Variants in ADGRL2 observed in about 807,000 individuals in gnomAD.
ADGRL2 encodes adhesion G protein-coupled receptor L2.
ADGRL2 carries 44 observed loss-of-function variants against 157.4 expected under a neutral mutation model. That is an observed-to-expected ratio of 0.28 (90% CI 0.22 to 0.36). The LOEUF (loss-of-function observed/expected upper bound fraction) is 0.36. ADGRL2 is among the 10% of genes least tolerant of loss of function. The pLI, the probability that ADGRL2 is intolerant of heterozygous loss-of-function variation, is 1.00. For synonymous variants in ADGRL2, 585 were observed against 624.7 expected, an observed-to-expected ratio of 0.94 and a Z score of 0.95; for missense variants, 1,510 against 1,768.9, an observed-to-expected ratio of 0.85 and a Z score of 2.63.
chr1:81,901,011 C>G (rs2094475666), intron 2 of ADGRL2, among the ~76,000 whole-genome samples: 1 of 152,116 alleles, frequency 6.6e-6, no homozygotes, highest in Non-Finnish European at 1.5e-5. Context: ...TTAAATACAG[C>G]TGAGGTATTA....
At chr1:81,342,480 A>G (rs770591786) in intron 1 of ADGRL2, among the ~76,000 whole-genome samples, 1 of 152,178 alleles carries the variant, frequency 6.6e-6, no homozygotes, top group Non-Finnish European at 1.5e-5. Context: ...TGTCATCACT[A>G]TGATTCTTGG....
intron 2 of ADGRL2, among the ~76,000 whole-genome samples, chr1:81,881,973 C>A (rs766628802): frequency 6.6e-6 from 1 of 152,158 alleles, no homozygotes; most frequent in Non-Finnish European, 1.5e-5. Context: ...CACCATCCCC[C>A]CTTTTTTTCC....
chr1:81,712,155 A>G (rs2083952747), intron 1 of ADGRL2, among the ~76,000 whole-genome samples: 1 of 152,204 alleles, frequency 6.6e-6, no homozygotes, highest in Non-Finnish European at 1.5e-5. Flanking sequence ...GATTAAAAAA[A>G]TATATGCCCA....
chr1:81,461,956 G>A (rs1241600217), intron 2 of ADGRL2, among the ~76,000 whole-genome samples: 2 of 145,988 alleles, frequency 1.4e-5, no homozygotes, highest in African/African-American at 5.0e-5. Flanking sequence ...TGGAGAAAGA[G>A]AGAGACAAAG....
chr1:81,785,706 C>T (rs978053398), intron 2 of ADGRL2, among the ~76,000 whole-genome samples: 3 of 151,712 alleles, frequency 2.0e-5, no homozygotes, highest in South Asian at 2.1e-4. Context: ...CTAGCCTGAG[C>T]GACAAAGTGA....
At chr1:81,414,789 C>T (rs2077006067) in intron 1 of ADGRL2, among the ~76,000 whole-genome samples, 1 of 152,194 alleles carries the variant, frequency 6.6e-6, no homozygotes, top group South Asian at 2.1e-4. Context: ...AACAGATTTC[C>T]TGTCTTTAAG....
chr1:81,508,425 A>G (rs1287751950), intron 2 of ADGRL2, among the ~76,000 whole-genome samples: 1 of 152,162 alleles, frequency 6.6e-6, no homozygotes, highest in Non-Finnish European at 1.5e-5. Flanking sequence ...AGACTCACTG[A>G]CCTGCCAGTC....
intron 3 of ADGRL2, among the ~76,000 whole-genome samples, chr1:81,676,760 C>G (rs2083000502): frequency 6.6e-6 from 1 of 151,948 alleles, no homozygotes; most frequent in South Asian, 2.1e-4. Context: ...GTTCTCAGCT[C>G]ACTGCAAACT....
At chr1:81,935,391 G>A (rs2095295628) in intron 3 of ADGRL2, among the ~76,000 whole-genome samples, 1 of 151,892 alleles carries the variant, frequency 6.6e-6, no homozygotes, top group Non-Finnish European at 1.5e-5. Flanking sequence ...GTTCATTGTA[G>A]TATACTTTGA....
chr1:81,661,464 G>GA (rs1278178307), intron 3 of ADGRL2, among the ~76,000 whole-genome samples: 1 of 152,110 alleles, frequency 6.6e-6, no homozygotes, highest in Non-Finnish European at 1.5e-5. Context: ...CTATTCCATG[G>GA]AAAAAGCATC....
At chr1:81,437,233 T>C (rs2077425519) in intron 1 of ADGRL2, among the ~76,000 whole-genome samples, 1 of 152,176 alleles carries the variant, frequency 6.6e-6, no homozygotes, top group Non-Finnish European at 1.5e-5. Flanking sequence ...GTCTGCAGTC[T>C]CCTGGAATCA....
intron 2 of ADGRL2, among the ~76,000 whole-genome samples, chr1:81,885,142 T>C (rs1039470993): frequency 3.9e-5 from 6 of 152,142 alleles, no homozygotes; most frequent in Non-Finnish European, 7.4e-5. Context: ...TAAATAGAAG[T>C]AAGGAGGGGA....
At chr1:81,948,956 TAAAG>T (rs1390290249) in intron 6 of ADGRL2, among the ~76,000 whole-genome samples, 7 of 152,298 alleles carry the variant, frequency 4.6e-5, no homozygotes, top group African/African-American at 1.4e-4. Context: ...TCAGAATTAA[TAAAG>T]AAAGATTGAT....
chr1:81,862,517 A>G (rs958517757), intron 2 of ADGRL2, among the ~76,000 whole-genome samples: 1 of 152,202 alleles, frequency 6.6e-6, no homozygotes, highest in Non-Finnish European at 1.5e-5. Context: ...CTAGTCTTAC[A>G]TAGCCTTGTT....
At chr1:81,851,978 A>G (rs1199873770) in intron 2 of ADGRL2, among the ~76,000 whole-genome samples, 1 of 151,996 alleles carries the variant, frequency 6.6e-6, no homozygotes, top group Non-Finnish European at 1.5e-5. Context: ...ATGGCGAATT[A>G]AAAAATTATT....
chr1:81,822,214 A>T (rs1571436658), intron 1 of ADGRL2, among the ~76,000 whole-genome samples: 2 of 150,452 alleles, frequency 1.3e-5, no homozygotes, highest in Admixed American at 6.6e-5. Context: ...TTGAAAGATG[A>T]TAAAAGTGTT....
intron 2 of ADGRL2, among the ~76,000 whole-genome samples, chr1:81,847,765 T>C (rs1344364379): frequency 6.6e-6 from 1 of 151,980 alleles, no homozygotes; most frequent in Non-Finnish European, 1.5e-5. Context: ...ACAGTGTTTT[T>C]AACAGCATTT....
chr1:81,707,456 C>G (rs572259469), intron 1 of ADGRL2, among the ~76,000 whole-genome samples: 1 of 152,132 alleles, frequency 6.6e-6, no homozygotes, highest in African/African-American at 2.4e-5. Flanking sequence ...AATCCTTTCA[C>G]GTAAAAGTGT....
At chr1:81,667,295 C>T (rs12568053) in intron 3 of ADGRL2, among the ~76,000 whole-genome samples, 29,754 of 152,092 alleles carry the variant, frequency 0.2, 3,721 homozygotes, top group South Asian at 0.32. Flanking sequence ...TGTTATAATT[C>T]ACGTTTGTTT....
Sources: allele counts gnomAD v4.1 joint callset (sites outside exome capture counted in the v4.1 genomes callset), GRCh38; gene constraint gnomAD v4.1.1; transcripts MANE v1.5; gene names NCBI Gene and HGNC (gene_info 2026-07-23, HGNC 2026-07-21).